WIPF3: variants seen among roughly 807,000 people sequenced by gnomAD.
WIPF3 encodes the protein WAS/WASL-interacting protein family member 3.
WIPF3 carries 33 observed loss-of-function variants against 38.9 expected under a neutral mutation model. The observed-to-expected ratio is 0.85, with a 90% confidence interval of 0.64 to 1.14. The LOEUF is 1.14. Among genes scored for constraint, WIPF3 ranks in the 50% most tolerant of loss-of-function variants. The pLI, the probability that WIPF3 is intolerant of heterozygous loss-of-function variation, is 0.00. For missense variants in WIPF3, 711 were observed against 652.5 expected, an observed-to-expected ratio of 1.09 and a Z score of -0.98; for synonymous variants, 324 against 269.3, an observed-to-expected ratio of 1.20 and a Z score of -1.99.
At chr7:29,840,907 A>G (rs1784902392) in intron 2 of WIPF3, among the ~76,000 whole-genome samples, 2 of 152,092 alleles carry the variant, frequency 1.3e-5, no homozygotes, top group African/African-American at 4.8e-5. Flanking sequence ...GATCGGACAT[A>G]CCCTGGTGGT....
chr7:29,879,189 T>C (rs773622451), intron 4 of WIPF3, 49 bp downstream of exon 4: 4 of 1,583,636 alleles, frequency 2.5e-6, no homozygotes, highest in Admixed American at 1.7e-5. Flanking sequence ...TCTCCTTAAC[T>C]TGTGGAACCA....
At chr7:29,896,654 A>G (rs1786152288) in intron 7 of WIPF3, among the ~76,000 whole-genome samples, 1 of 152,194 alleles carries the variant, frequency 6.6e-6, no homozygotes, top group African/African-American at 2.4e-5. Context: ...TTGGGGTGAT[A>G]GAAACATTTT....
chr7:29,871,054 T>C (rs1156651738), intron 2 of WIPF3, among the ~76,000 whole-genome samples: 1 of 152,136 alleles, frequency 6.6e-6, no homozygotes, highest in Non-Finnish European at 1.5e-5. Context: ...TTTCTAAAAA[T>C]GAGACTTGGA....
chr7:29,882,509 G>A (rs567462686), intron 4 of WIPF3, among the ~76,000 whole-genome samples: 6 of 152,276 alleles, frequency 3.9e-5, no homozygotes, highest in Admixed American at 2.6e-4. Flanking sequence ...ATAGCCAGAG[G>A]GGCTCATATT....
chr7:29,810,738 T>C (rs1784359949), intron 1 of WIPF3, among the ~76,000 whole-genome samples: 1 of 152,248 alleles, frequency 6.6e-6, no homozygotes, highest in African/African-American at 2.4e-5. Flanking sequence ...TCAGAATCCC[T>C]GGACTATTTT....
At chr7:29,908,573 T>A (rs1033805077) in intron 8 of WIPF3, among the ~76,000 whole-genome samples, 9 of 152,014 alleles carry the variant, frequency 5.9e-5, no homozygotes, top group African/African-American at 2.2e-4. Context: ...TCCAGGAGAG[T>A]CCATTTGTTA....
chr7:29,857,186 T>G (rs1350515784), intron 2 of WIPF3, among the ~76,000 whole-genome samples: 1 of 152,004 alleles, frequency 6.6e-6, no homozygotes, highest in Non-Finnish European at 1.5e-5. Context: ...CACACCTCCC[T>G]CACCTTACAC....
chr7:29,913,981 A>G (rs1786555169), intron 8 of WIPF3, among the ~76,000 whole-genome samples: 1 of 152,212 alleles, frequency 6.6e-6, no homozygotes, highest in South Asian at 2.1e-4. Flanking sequence ...AGATCTTTGT[A>G]TCTCACTGGA....
intron 2 of WIPF3, among the ~76,000 whole-genome samples, chr7:29,856,479 T>C (rs900967260): frequency 6.6e-6 from 1 of 152,006 alleles, no homozygotes; most frequent in South Asian, 2.1e-4. Flanking sequence ...AATAAAAAAA[T>C]TAGCCGAGCA....
rs1023979719 is a variant in WIPF3 at position 29,844,007 on chromosome 7, C to T, written c.90+9193C>T. Among the ~76,000 whole-genome samples, 3 of 151,784 alleles carry T rather than the reference C, an allele frequency of 2.0e-5. No individual in the cohort carries two copies. The East Asian group carries it at 5.9e-4, about 30-fold the overall frequency. The stretch of plus-strand genomic sequence containing the variant: ...CTGCAGTGGAGGGCTGGCTTGGCAG[C>T]CAGGAAGTCACGTTTCCTAGATTGT... On this transcript the variant is annotated intron_variant, in intron 2 of 8. Transcript: ENST00000242140. The surrounding 1 kb of genome is among the most constrained non-coding windows in gnomAD (Gnocchi z 4.8).
chr7:29,884,145 C>A lies in WIPF3; in HGVS notation c.651C>A (p.Pro217=), dbSNP rs1158121680. 9 of 1,532,224 alleles carry A rather than the reference C, an allele frequency of 5.9e-6. No individual in the cohort carries two copies. The highest frequency in any genetic ancestry group is 7.9e-6 in the Non-Finnish European group (9 of 1,137,382). 94.9% of individuals were successfully genotyped at this position (1,532,224 alleles called of 1,614,324 possible). Reference sequence around the variant, plus strand: ...AAGGGAACCTCCCGGTGGTTGCACCCCCCGTCCCCTGTGCGCCACCACCTC... The same window carrying A: ...AAGGGAACCTCCCGGTGGTTGCACCACCCGTCCCCTGTGCGCCACCACCTC... ...LTKGNLPVVA[P]PVPCAPPPPP... Residue 217 remains proline, a synonymous_variant, in exon 5 of 9, where the codon CCC becomes CCA. Transcript: ENST00000242140.
intron 2 of WIPF3, among the ~76,000 whole-genome samples, chr7:29,869,819 T>C (rs1048746869): frequency 2.0e-5 from 3 of 152,162 alleles, no homozygotes; most frequent in Admixed American, 2.0e-4. Flanking sequence ...CAGTTTGTAG[T>C]TAGGAAGGGA....
Position 29,904,313 on chromosome 7 carries a change from C to A in WIPF3, c.1379C>A (p.Ala460Glu), listed in dbSNP as rs140535643. The A allele has an allele frequency of 1.9e-6, 3 of 1,613,858 alleles. No homozygotes were observed. The highest frequency in any genetic ancestry group is 1.7e-5 in the Admixed American group (1 of 60,004). The change falls in exon 8 of 9, where the codon GCG (alanine) becomes GAG (glutamate). Residue 460 changes from alanine (A) to glutamate (E), a missense_variant. By Grantham distance (107) the Ala-to-Glu change is moderately radical (BLOSUM62 -1). Transcript: ENST00000242140. ...RSRTPGPWLQ[A>E]EAVGQSSDDI... Reference sequence around the variant, plus strand: ...CGTACACCTGGTCCCTGGCTCCAAGCGGAAGCAGTCGGGCAGAGCTCTGAT... The same window carrying A: ...CGTACACCTGGTCCCTGGCTCCAAGAGGAAGCAGTCGGGCAGAGCTCTGAT...
chr7:29,896,212 G>T (rs4722954), intron 7 of WIPF3, among the ~76,000 whole-genome samples: 1 of 151,672 alleles, frequency 6.6e-6, no homozygotes, highest in Non-Finnish European at 1.5e-5. Context: ...GGGAGGCTCA[G>T]GCAGGAGAAT....
At chr7:29,813,976 A>G (rs568376452) in intron 1 of WIPF3, among the ~76,000 whole-genome samples, 3 of 150,810 alleles carry the variant, frequency 2.0e-5, no homozygotes, top group East Asian at 1.9e-4. Context: ...ACTGGAGTCC[A>G]GTGGTGCTAT....
intron 2 of WIPF3, among the ~76,000 whole-genome samples, chr7:29,855,637 T>C (rs1427483953): frequency 1.3e-5 from 2 of 152,204 alleles, no homozygotes; most frequent in Non-Finnish European, 2.9e-5. Context: ...GGCTCAGTTA[T>C]GGCTGGAGTG....
At chr7:29,881,035 G>A (rs174961) in intron 4 of WIPF3, among the ~76,000 whole-genome samples, 72,851 of 151,864 alleles carry the variant, frequency 0.48, 18,770 homozygotes, top group East Asian at 0.87. Context: ...CGCTTGCACC[G>A]ACTCTCCCTT....
chr7:29,838,368 C>T (rs1164330428), intron 2 of WIPF3, among the ~76,000 whole-genome samples: 2 of 152,040 alleles, frequency 1.3e-5, no homozygotes, highest in East Asian at 3.9e-4. Context: ...CTTGACATGG[C>T]TTCACTTCAA....
intron 1 of WIPF3, among the ~76,000 whole-genome samples, chr7:29,827,374 A>G (rs1231689468): frequency 6.6e-6 from 1 of 152,250 alleles, no homozygotes; most frequent in Non-Finnish European, 1.5e-5. Context: ...AGTGACCATC[A>G]TAAAACATTC....
Sources: gnomAD v4.1 joint callset for allele counts (sites outside exome capture counted in the v4.1 genomes callset) on GRCh38, gnomAD v4.1.1 for gene constraint, Gnocchi (gnomAD v3.1) non-coding constraint, MANE v1.5 for transcripts, NCBI Gene and HGNC (gene_info 2026-07-23, HGNC 2026-07-21) for gene names.